BGN: variants seen among roughly 807,000 people sequenced by gnomAD.
The protein encoded by BGN is bone/cartilage proteoglycan-I.
Under a neutral mutation model 20.0 loss-of-function variants are expected in BGN, and 6 were observed. That is an observed-to-expected ratio of 0.30 (90% CI 0.16 to 0.59). The LOEUF (loss-of-function observed/expected upper bound fraction) is 0.59, where lower values mean the gene tolerates loss of function less well. Among genes scored for constraint, BGN ranks in the 20% least tolerant of loss-of-function variants. The pLI is 0.88. For missense variants in BGN, 292 were observed against 312.1 expected, an observed-to-expected ratio of 0.94 and a Z score of 0.49; for synonymous variants, 146 against 134.6, an observed-to-expected ratio of 1.08 and a Z score of -0.59.
chrX:153,508,034 C>T (rs1410632585), intron 7 of BGN, among the ~76,000 whole-genome samples: 2 of 113,035 alleles, frequency 1.8e-5, no homozygotes, highest in Non-Finnish European at 3.8e-5. Flanking sequence ...CTGAGACCCT[C>T]ATCCTTGTCC....
rs60374028 is a variant in BGN at position 153,509,061 on chromosome X, CTGTGTGTGTGTGTGTGTGTG to C, written c.*642_*661del. 1.2e-5 allele frequency: 1 copy of C among 83,924 alleles called. No individual in the cohort carries two copies. Among genetic ancestry groups the C allele is most frequent in the African/African-American group, 5.1e-5 (1 of 19,588 alleles). The allele number at this position is 83,924 out of a possible 1,213,427, so 6.9% of individuals were successfully genotyped here. ...TCTCTCTCTCTCTCTCTCTCTCTTT[CTGTGTGTGTGTGTGTGTGTG>C]TGTGTGTGTGTGTGTGTGTGTGTGT... On this transcript the variant is annotated 3_prime_UTR_variant, in exon 8 of 8. Transcript: ENST00000331595.
intron 1 of BGN, among the ~76,000 whole-genome samples, chrX:153,497,130 G>A (rs1303247886): frequency 2.0e-5 from 2 of 101,380 alleles, no homozygotes; most frequent in South Asian, 5.0e-4. Flanking sequence ...CCTGCTTGTC[G>A]GAAATGTCTT....
intron 1 of BGN, among the ~76,000 whole-genome samples, chrX:153,501,827 C>A (rs2089762647): frequency 8.9e-6 from 1 of 112,529 alleles, no homozygotes; most frequent in African/African-American, 3.2e-5. Flanking sequence ...GGCCTTCCAG[C>A]CCTCAGCCTC....
Position 153,505,915 on chromosome X carries a change from G to A in BGN, c.404G>A (p.Ser135Asn), listed in dbSNP as rs1556992993. The A allele has an allele frequency of 2.5e-6, 3 of 1,211,834 alleles. No individual in the cohort carries two copies. In the Admixed American group the frequency reaches 6.5e-5, roughly 26 times the overall value. ...TCCAAGATCCATGAGAAGGCCTTCA[G>A]CCCACTGCGGAAGCTGCAGAAGCTC... ...KISKIHEKAF[S>N]PLRKLQKLYI... Residue 135 changes from serine (S) to asparagine (N), a missense_variant, in exon 4 of 8, where the codon AGC (serine) becomes AAC (asparagine). Transcript: ENST00000331595.
intron 1 of BGN, among the ~76,000 whole-genome samples, chrX:153,500,774 T>C (rs1304616688): frequency 9.0e-6 from 1 of 111,023 alleles, no homozygotes; most frequent in African/African-American, 3.3e-5. Flanking sequence ...TGTGTGCGTG[T>C]GTGTGCATGT....
intron 5 of BGN, 52 bp from the exon 6 acceptor site, chrX:153,506,778 G>A (rs1192399740): frequency 5.1e-6 from 6 of 1,169,346 alleles, no homozygotes; most frequent in African/African-American, 1.8e-5. Flanking sequence ...GCAGAGCTAG[G>A]GCCCCTGCCC....
chrX:153,506,182 G>C, intron 4 of BGN, 106 bp downstream of exon 4: 2 of 841,063 alleles, frequency 2.4e-6, no homozygotes. Flanking sequence ...AGTATGGTGA[G>C]AACGGTCAAA....
intron 1 of BGN, among the ~76,000 whole-genome samples, chrX:153,496,596 C>A (rs2089716535): frequency 8.9e-6 from 1 of 112,266 alleles, no homozygotes; most frequent in Admixed American, 9.3e-5. Flanking sequence ...GGCAAGCTGG[C>A]CAGCTGTGGG....
Position 153,508,411 on chromosome X carries a change from G to T in BGN, c.1073G>T (p.Arg358Leu), listed in dbSNP as rs1387553935. 8.3e-7 allele frequency: 1 copy of T among 1,211,928 alleles called. No homozygotes were observed. ...GCCACTTTCCGCTGCGTCACTGACCGCCTGGCCATCCAGTTTGGCAACTAC... is the reference window on the plus strand; with the variant it reads ...GCCACTTTCCGCTGCGTCACTGACCTCCTGGCCATCCAGTTTGGCAACTAC... Reference protein sequence around the residue: ...QPATFRCVTDRLAIQFGNYKK With the variant: ...QPATFRCVTDLLAIQFGNYKK The change falls in exon 8 of 8, where the codon CGC becomes CTC. Residue 358 changes from arginine (R) to leucine (L), a missense_variant. By Grantham distance (102) the Arg-to-Leu change is moderately radical. Transcript: ENST00000331595.
chrX:153,505,410 A>G (rs2089792730), intron 3 of BGN, 60 bp downstream of exon 3: 1 of 985,348 alleles, frequency 1.0e-6, no homozygotes, highest in Admixed American at 2.5e-5. Flanking sequence ...GGGTGGGTGC[A>G]TGTGCGTGGA....
chrX:153,505,052 G>A (rs1015267788), intron 2 of BGN, among the ~76,000 whole-genome samples, 183 bp downstream of exon 2: 1 of 111,733 alleles, frequency 8.9e-6, no homozygotes, highest in South Asian at 3.7e-4. Context: ...TGGCATCCCC[G>A]TGTGCCCGTC....
intron 1 of BGN, among the ~76,000 whole-genome samples, chrX:153,499,808 C>T (rs1327148100): frequency 8.9e-6 from 1 of 112,824 alleles, no homozygotes; most frequent in African/African-American, 3.2e-5. Context: ...GGGGGCAGGC[C>T]GGGTGTCAGC....
chrX:153,500,780 C>T (rs782757143), intron 1 of BGN, among the ~76,000 whole-genome samples: 2 of 105,663 alleles, frequency 1.9e-5, no homozygotes, highest in Non-Finnish European at 3.9e-5. Flanking sequence ...CGTGTGTGTG[C>T]ATGTGTGTGC....
chrX:153,505,453 T>C (rs965293801), intron 3 of BGN, 103 bp downstream of exon 3: 7 of 708,739 alleles, frequency 9.9e-6, no homozygotes, highest in Admixed American at 6.8e-5. Flanking sequence ...CGGGGACTCG[T>C]GGGGCTTCAG....
At position 153,506,025 on chromosome X, in the gene BGN, C is replaced by T. The variant is rs370978501; in HGVS notation, c.514C>T (p.Arg172Cys). ...GCTCCGCATCCACGACAACCGCATC[C>T]GCAAGGTGCCCAAGGGAGTGTTCAG... ...VELRIHDNRIRKVPKGVFSGL... is the reference protein window; with the variant it reads ...VELRIHDNRICKVPKGVFSGL... Residue 172 changes from arginine (R) to cysteine (C), a missense_variant, in exon 4 of 8, where the codon CGC (arginine) becomes TGC (cysteine). Transcript: ENST00000331595. 42 of 1,210,325 alleles carry T rather than the reference C, an allele frequency of 3.5e-5. No individual in the cohort carries two copies. Among genetic ancestry groups the T allele is most frequent in the Non-Finnish European group, 4.2e-5 (38 of 895,311 alleles).
Position 153,507,110 on chromosome X carries a change from C to T in BGN, c.834C>T (p.Thr278=). 4 of 1,206,647 alleles carry T rather than the reference C, an allele frequency of 3.3e-6. No homozygotes were observed. Among genetic ancestry groups the T allele is most frequent in the Non-Finnish European group, 4.5e-6 (4 of 892,933 alleles). The change falls in exon 7 of 8, where the codon ACC becomes ACT. Residue 278 remains threonine, a synonymous_variant. Transcript: ENST00000331595. ...ACGGGAGCCTGAGCTTCCTGCCCAC[C>T]CTCCGGGAGCTCCACTTGGACAACA... ...IENGSLSFLP[T]LRELHLDNNK... is the part of the protein sequence containing the mutation.
At chrX:153,501,132 G>A (rs1389361563) in intron 1 of BGN, among the ~76,000 whole-genome samples, 1 of 111,985 alleles carries the variant, frequency 8.9e-6, no homozygotes, top group Admixed American at 9.4e-5. Context: ...TATGTGTTTT[G>A]TATAGGTGTG....
At position 153,508,475 on chromosome X, in the gene BGN, T is replaced by C. The variant is rs1195809421; in HGVS notation, c.*30T>C. 1.4e-5 allele frequency: 16 copies of C among 1,180,779 alleles called. No individual in the cohort carries two copies. Among genetic ancestry groups the C allele is most frequent in the Non-Finnish European group, 1.8e-5 (16 of 871,462 alleles). On this transcript the variant is annotated 3_prime_UTR_variant, in exon 8 of 8. Transcript: ENST00000331595. ...AGCTGCAGCCACCGCGGGGCCTCAG[T>C]GGGGGTCTCTGGGGAACACAGCCAG...
At chrX:153,506,461 G>A (rs1485390433) in intron 4 of BGN, 68 bp from the exon 5 acceptor site, 24 of 1,002,516 alleles carry the variant, frequency 2.4e-5, no homozygotes, top group Non-Finnish European at 3.0e-5. Context: ...ACACTGGCCC[G>A]GAAGTGACAG....
Sources: allele counts gnomAD v4.1 joint callset (sites outside exome capture counted in the v4.1 genomes callset), GRCh38; gene constraint gnomAD v4.1.1; transcripts MANE v1.5; gene names NCBI Gene and HGNC (gene_info 2026-07-23, HGNC 2026-07-21).